LARGE1: variants seen among roughly 807,000 people sequenced by gnomAD.
The protein encoded by LARGE1 is xylosyl- and glucuronyltransferase LARGE1.
A neutral mutation model predicts 87.6 loss-of-function variants in LARGE1; 43 were observed. The ratio of observed to expected loss-of-function variants is 0.49; its 90% CI spans 0.38 to 0.63. LARGE1 has a LOEUF of 0.63. Among genes scored for constraint, LARGE1 ranks in the 30% least tolerant of loss-of-function variants. The pLI is 0.00. For synonymous variants in LARGE1, 434 were observed against 394.6 expected (o/e 1.10, Z -1.18); for missense variants, 802 against 1,000.2 (o/e 0.80, Z 2.67).
At position 33,622,156 on chromosome 22, in the gene LARGE1, C is replaced by T. The variant is rs549085069; in HGVS notation, c.491+4088G>A. ...TTGTGTCCCCACCCAAATCTCATTT[C>T]GAATTGTAATTCCTATAATCCCCAT... is the stretch of plus-strand genomic sequence containing the variant. On this transcript the variant is annotated intron_variant, in intron 4 of 14. Coordinates refer to ENST00000397394, the MANE Select transcript of LARGE1 (RefSeq NM_133642.5). Among the ~76,000 whole-genome samples the T allele has an allele frequency of 1.4e-3, 211 of 152,208 alleles. 1 individual carries two copies. The highest frequency in any genetic ancestry group is 4.9e-3 in the African/African-American group (202 of 41,536).
In LARGE1 at chr22:33,397,686, T is replaced by C. The variant is rs7288447; in HGVS notation, c.893-13382A>G. Among the ~76,000 whole-genome samples, 816 of 152,350 alleles carry C rather than the reference T, an allele frequency of 5.4e-3. 5 individuals are homozygous for C. Among genetic ancestry groups the C allele is most frequent in the Middle Eastern group, 0.034 (10 of 294 alleles). On this transcript the variant is annotated intron_variant, in intron 7 of 14. Coordinates refer to ENST00000397394, the MANE Select transcript of LARGE1 (RefSeq NM_133642.5). The stretch of plus-strand genomic sequence containing the variant: ...GGCATGTGTATGCATTTCTGTTGAG[T>C]ACATACCTCCAAGTGGAATTTCCAG...
intron 1 of LARGE1, among the ~76,000 whole-genome samples, chr22:33,782,884 T>TA (rs397952057): frequency 0.78 from 97,739 of 124,848 alleles, 38,274 homozygotes; most frequent in South Asian, 0.87. Flanking sequence ...AAATCAAGTT[T>TA]AAAAAAAAAA....
chr22:33,079,376 C>T, the LARGE1 span, among the ~76,000 whole-genome samples: 3 of 151,644 alleles, frequency 2.0e-5, no homozygotes, highest in African/African-American at 7.3e-5. Context: ...TACAGGCGCC[C>T]GCCACCACGC....
chr22:33,809,117 C>CA (rs1488345870), intron 1 of LARGE1, among the ~76,000 whole-genome samples: 2 of 151,992 alleles, frequency 1.3e-5, no homozygotes, highest in Non-Finnish European at 2.9e-5. Flanking sequence ...ACTAAAAGTA[C>CA]AAAAATTAGC....
In LARGE1 at chr22:33,188,012, G is replaced by A. The variant is rs940665929; in HGVS notation, c.1731-21180C>T. ...TCTCCCACAAAAAAATAGTGTGTGC[G>A]GTAATGTCTATATTAATTAGCTTGA... On this transcript the variant is annotated intron_variant, in intron 11 of 11. Transcript: ENST00000608642. 3.4e-5 allele frequency among the ~76,000 whole-genome samples: 5 copies of A among 145,888 alleles called. 1 individual carries two copies. Among genetic ancestry groups the A allele is most frequent in the South Asian group, 4.5e-4 (2 of 4,480 alleles).
At chr22:33,798,724 G>T (rs984237556) in intron 1 of LARGE1, among the ~76,000 whole-genome samples, 1 of 152,144 alleles carries the variant, frequency 6.6e-6, no homozygotes, top group Non-Finnish European at 1.5e-5. Context: ...CACACTGGAA[G>T]AATATGCACA....
chr22:33,602,600 A>G (rs2079140846), intron 5 of LARGE1, among the ~76,000 whole-genome samples: 1 of 151,634 alleles, frequency 6.6e-6, no homozygotes, highest in South Asian at 2.1e-4. Flanking sequence ...AACTCCTGGG[A>G]TCAAGTGATC....
intron 1 of LARGE1, among the ~76,000 whole-genome samples, chr22:33,772,870 TGAATGAAC>T (rs1202421227): frequency 1.9e-5 from 2 of 103,300 alleles, no homozygotes; most frequent in Non-Finnish European, 4.0e-5. Flanking sequence ...AATGAATGAA[TGAATGAAC>T]GAATGTGCCA....
intron 13 of LARGE1, among the ~76,000 whole-genome samples, chr22:33,278,151 G>A (rs1445151063): frequency 6.6e-6 from 1 of 152,198 alleles, no homozygotes; most frequent in Non-Finnish European, 1.5e-5. Context: ...AGAAAGCAAG[G>A]AGCTATGTTG....
At chr22:33,861,052 G>A (rs925450433) in intron 1 of LARGE1, among the ~76,000 whole-genome samples, 1 of 152,186 alleles carries the variant, frequency 6.6e-6, no homozygotes. Context: ...CTTAGGCTGA[G>A]AGTGGGTAAC....
In LARGE1 at chr22:33,423,064, G is replaced by C. The variant is rs140659542; in HGVS notation, c.892+9097C>G. 3.1e-3 allele frequency among the ~76,000 whole-genome samples: 472 copies of C among 151,264 alleles called. 2 individuals carry two copies. The highest frequency in any genetic ancestry group is 0.011 in the African/African-American group (446 of 41,186). On this transcript the variant is annotated intron_variant, in intron 7 of 14. Transcript: ENST00000397394. ...ACTGAACTTGGAGAACAAGTCAAGC[G>C]AAGATGGTACTTCCTGTTATCTGAT...
chr22:33,691,459 T>C (rs1318009970), intron 2 of LARGE1, among the ~76,000 whole-genome samples: 1 of 152,068 alleles, frequency 6.6e-6, no homozygotes, highest in African/African-American at 2.4e-5. Flanking sequence ...CCAGTACCAG[T>C]GGGCTCATTT....
the LARGE1 span, among the ~76,000 whole-genome samples, chr22:33,115,815 CAAAAAA>C: frequency 1.0e-5 from 1 of 97,976 alleles, no homozygotes; most frequent in Non-Finnish European, 1.9e-5. Context: ...GACTCTGTCT[CAAAAAA>C]AAAAAAAAAA....
chr22:33,680,809 GA>G (rs61043150), intron 2 of LARGE1, among the ~76,000 whole-genome samples: 14,028 of 144,368 alleles, frequency 0.097, 1,207 homozygotes, highest in East Asian at 0.24. Context: ...TCTGCTTTAG[GA>G]AAAAAAAAAA....
chr22:33,633,960 G>A (rs1209994374), intron 3 of LARGE1, among the ~76,000 whole-genome samples: 3 of 152,306 alleles, frequency 2.0e-5, no homozygotes, highest in South Asian at 4.1e-4. Flanking sequence ...CTAAGTGGCC[G>A]CGTGATCTTG....
chr22:33,238,792 A>G (rs1926370685), intron 11 of LARGE1, among the ~76,000 whole-genome samples: 1 of 152,232 alleles, frequency 6.6e-6, no homozygotes, highest in African/African-American at 2.4e-5. Context: ...TGAAACCAGT[A>G]CATACAGAAC....
Position 33,665,847 on chromosome 22 carries a change from G to A in LARGE1, c.107-15179C>T, listed in dbSNP as rs553121834. ...GCGGAGCTTGCAGTGAGCCGAGATCGTGCCACTGCACCCCAGCCTGGGCAA... is the reference window on the plus strand; with the variant it reads ...GCGGAGCTTGCAGTGAGCCGAGATCATGCCACTGCACCCCAGCCTGGGCAA... On this transcript the variant is annotated intron_variant, in intron 2 of 14. Coordinates refer to ENST00000397394, the MANE Select transcript of LARGE1 (RefSeq NM_133642.5). Among the ~76,000 whole-genome samples the A allele has an allele frequency of 1.8e-4, 27 of 152,036 alleles. No homozygotes were observed. The Middle Eastern group carries it at 0.01, about 57-fold the overall frequency.
chr22:33,783,768 G>C (rs1189901670), intron 1 of LARGE1, among the ~76,000 whole-genome samples: 1 of 152,186 alleles, frequency 6.6e-6, no homozygotes, highest in African/African-American at 2.4e-5. Context: ...GAGAATGGCA[G>C]TGCTGGTGCC....
intron 5 of LARGE1, among the ~76,000 whole-genome samples, chr22:33,586,639 A>G (rs1262132269): frequency 6.6e-6 from 1 of 151,894 alleles, no homozygotes; most frequent in Non-Finnish European, 1.5e-5. Context: ...TTGTATTTTT[A>G]GTAGAGATGG....
Sources: allele counts gnomAD v4.1 joint callset (sites outside exome capture counted in the v4.1 genomes callset), GRCh38; gene constraint gnomAD v4.1.1; transcripts MANE v1.5; gene names NCBI Gene and HGNC (gene_info 2026-07-23, HGNC 2026-07-21).